The following MAPKAP1 variants were observed in gnomAD, a reference collection of about 807,000 sequenced individuals.
The protein encoded by MAPKAP1 is target of rapamycin complex 2 subunit MAPKAP1.
A neutral mutation model predicts 65.7 loss-of-function variants in MAPKAP1; 20 were observed. That is an observed-to-expected ratio of 0.30 (90% CI 0.21 to 0.44). The LOEUF (loss-of-function observed/expected upper bound fraction) is 0.44, where lower values mean the gene tolerates loss of function less well. Among genes scored for constraint, MAPKAP1 ranks in the 20% least tolerant of loss-of-function variants. The pLI, the probability that MAPKAP1 is intolerant of heterozygous loss-of-function variation, is 1.00. For synonymous variants in MAPKAP1, 222 were observed against 244.3 expected (o/e 0.91, Z 0.85); for missense variants, 423 against 648.0 (o/e 0.65, Z 3.77).
At chr9:125,685,101 A>T (rs748507223) in intron 1 of MAPKAP1, among the ~76,000 whole-genome samples, 11 of 152,256 alleles carry the variant, frequency 7.2e-5, no homozygotes, top group Non-Finnish European at 1.3e-4. Context: ...TATTTACTGA[A>T]TGCCTACTAT....
intron 4 of MAPKAP1, among the ~76,000 whole-genome samples, chr9:125,602,401 G>A (rs745834046): frequency 6.6e-6 from 1 of 152,012 alleles, no homozygotes; most frequent in African/African-American, 2.4e-5. Flanking sequence ...TCTGATTATC[G>A]GGCCTTCATC....
At chr9:125,677,156 T>C (rs904492456) in intron 1 of MAPKAP1, among the ~76,000 whole-genome samples, 7 of 152,146 alleles carry the variant, frequency 4.6e-5, no homozygotes, top group African/African-American at 1.7e-4. Context: ...AGACGTCTTT[T>C]GGCCGGGTGC....
chr9:125,533,251 T>C (rs1348556550), intron 7 of MAPKAP1, among the ~76,000 whole-genome samples: 6 of 152,158 alleles, frequency 3.9e-5, no homozygotes, highest in Non-Finnish European at 8.8e-5. Context: ...AACTATCTTT[T>C]AGAAAGATAA....
intron 4 of MAPKAP1, among the ~76,000 whole-genome samples, chr9:125,609,643 C>G (rs914669738): frequency 2.0e-5 from 3 of 152,152 alleles, no homozygotes; most frequent in Non-Finnish European, 4.4e-5. Context: ...CGGGCCTGGC[C>G]TGCCAAGCTT....
rs191169708 is a variant in MAPKAP1, at chr9:125,570,356, G to A, written c.672-10547C>T. Among the ~76,000 whole-genome samples the A allele has an allele frequency of 1.9e-4, 29 of 151,430 alleles. No individual in the cohort carries two copies. In the East Asian group the frequency reaches 3.4e-3, roughly 18 times the overall value. On this transcript the variant is annotated intron_variant, in intron 5 of 11. Coordinates refer to ENST00000265960, the MANE Select transcript of MAPKAP1 (RefSeq NM_001006617.3). ...TCAAAGGTTGTTAGATCTGCTAAAC[G>A]CTTCATGAAATGCCACTATGGTTCT...
chr9:125,633,378 C>T (rs561444900), intron 4 of MAPKAP1, among the ~76,000 whole-genome samples: 1 of 152,328 alleles, frequency 6.6e-6, no homozygotes, highest in African/African-American at 2.4e-5. Flanking sequence ...GGGCTGCCTC[C>T]TTGAGCCAAA....
Position 125,657,674 on chromosome 9 carries a change from C to G in MAPKAP1, c.475G>C (p.Glu159Gln). ...CPLQLNNPFN[E>Q]YSKFDGKGHV... is the part of the protein sequence containing the mutation. ...ACCTTGCCATCAAATTTGGAATACT[C>G]GTTAAAAGGGTTATTCAGCTGCAGA... Residue 159 changes from glutamate (E) to glutamine (Q), a missense_variant, in exon 4 of 12, where the codon GAG (glutamate) becomes CAG (glutamine). By Grantham distance (29) the Glu-to-Gln change is conservative (BLOSUM62 2). Around this residue, in one of 6 missense-constraint regions of MAPKAP1, gnomAD observed 98 missense variants for 200.5 expected, o/e 0.49. Coordinates refer to ENST00000265960, the MANE Select transcript of MAPKAP1 (RefSeq NM_001006617.3). The G allele has an allele frequency of 6.2e-7, 1 of 1,609,138 alleles. No homozygotes were observed.
chr9:125,670,575 A>G (rs895910680), intron 2 of MAPKAP1, among the ~76,000 whole-genome samples: 1 of 152,220 alleles, frequency 6.6e-6, no homozygotes, highest in Non-Finnish European at 1.5e-5. Flanking sequence ...TTTGGTCACT[A>G]AGACAACCTA....
intron 10 of MAPKAP1, among the ~76,000 whole-genome samples, chr9:125,461,751 C>T (rs7857424): frequency 0.089 from 13,592 of 152,152 alleles, 1,812 homozygotes; most frequent in African/African-American, 0.29. Flanking sequence ...ATGAAATAAG[C>T]CCTTGTTAGA....
At position 125,447,994 on chromosome 9, in the gene MAPKAP1, G is replaced by C. The variant is rs890817235; in HGVS notation, c.1346-3396C>G. ...CAGGTGGGAGGGAGAGGGACACAAA[G>C]GGCTGAGAGTGCCTGGAGTCACCAG... On this transcript the variant is annotated intron_variant, in intron 10 of 11. Transcript: ENST00000265960. The surrounding 1 kb of genome is among the most constrained non-coding windows in gnomAD (Gnocchi z 4.5). Among the ~76,000 whole-genome samples, 2 of 152,214 alleles carry C rather than the reference G, an allele frequency of 1.3e-5. No homozygotes were observed. The highest frequency in any genetic ancestry group is 2.9e-5 in the Non-Finnish European group (2 of 68,038).
intron 4 of MAPKAP1, among the ~76,000 whole-genome samples, chr9:125,603,926 A>T (rs769379485): frequency 6.6e-6 from 1 of 152,078 alleles, no homozygotes; most frequent in African/African-American, 2.4e-5. Context: ...TATGCCAAGA[A>T]ACATTTTATT....
chr9:125,554,411 A>G (rs540335423), intron 6 of MAPKAP1, among the ~76,000 whole-genome samples: 1 of 152,352 alleles, frequency 6.6e-6, no homozygotes, highest in South Asian at 2.1e-4. Flanking sequence ...GTGCTCATAG[A>G]TTCAGGACTT....
At chr9:125,702,742 C>T (rs1835639904) in intron 1 of MAPKAP1, among the ~76,000 whole-genome samples, 2 of 151,722 alleles carry the variant, frequency 1.3e-5, no homozygotes, top group South Asian at 4.2e-4. Flanking sequence ...GTCCCAGCTA[C>T]TCAGGAGGCT....
At chr9:125,593,942 A>G (rs1832047567) in intron 4 of MAPKAP1, among the ~76,000 whole-genome samples, 1 of 152,156 alleles carries the variant, frequency 6.6e-6, no homozygotes, top group Non-Finnish European at 1.5e-5. Context: ...TTTCTTCTTC[A>G]CTGGCATGTC....
In MAPKAP1 at chr9:125,665,325, C is replaced by A. The variant is rs79618639; in HGVS notation, c.349+4493G>T. 4.4e-3 allele frequency among the ~76,000 whole-genome samples: 672 copies of A among 152,056 alleles called. 4 individuals carry two copies. The highest frequency in any genetic ancestry group is 8.9e-3 in the African/African-American group (371 of 41,482). ...AGACTCTGTCTCAAAAACAAACAAA[C>A]AAAAAAGAAATAAATAAACTTAGTG... On this transcript the variant is annotated intron_variant, in intron 3 of 11. Coordinates refer to ENST00000265960, the MANE Select transcript of MAPKAP1 (RefSeq NM_001006617.3).
At chr9:125,692,494 G>T (rs1419133745) in intron 1 of MAPKAP1, among the ~76,000 whole-genome samples, 1 of 152,208 alleles carries the variant, frequency 6.6e-6, no homozygotes, top group African/African-American at 2.4e-5. Flanking sequence ...GCAGCAGGAG[G>T]AGGAAAAGTG....
chr9:125,538,005 T>G (rs1830122216), intron 7 of MAPKAP1, among the ~76,000 whole-genome samples: 1 of 152,118 alleles, frequency 6.6e-6, no homozygotes, highest in South Asian at 2.1e-4. Flanking sequence ...CATAAGGCAA[T>G]CATCAACTCT....
chr9:125,546,082 C>T (rs752504395), intron 6 of MAPKAP1, among the ~76,000 whole-genome samples: 28 of 152,204 alleles, frequency 1.8e-4, no homozygotes, highest in Non-Finnish European at 3.1e-4. Flanking sequence ...TAACTTGGCT[C>T]TCCATCTTCC....
chr9:125,668,786 A>G (rs1476145240), intron 3 of MAPKAP1, among the ~76,000 whole-genome samples: 1 of 152,250 alleles, frequency 6.6e-6, no homozygotes, highest in Non-Finnish European at 1.5e-5. Context: ...AGGGAAAAGA[A>G]TTTGCATATA....
Sources: gnomAD v4.1 joint callset for allele counts (sites outside exome capture counted in the v4.1 genomes callset) on GRCh38, gnomAD v4.1.1 for gene constraint, gnomAD v4.1.1 regional missense constraint, Gnocchi (gnomAD v3.1) non-coding constraint, MANE v1.5 for transcripts, NCBI Gene and HGNC (gene_info 2026-07-23, HGNC 2026-07-21) for gene names.